Variants in PPP1R14C observed in about 807,000 individuals in gnomAD.
The protein encoded by PPP1R14C is protein phosphatase 1 regulatory subunit 14C.
Under a neutral mutation model 20.4 loss-of-function variants are expected in PPP1R14C, and 16 were observed. The ratio of observed to expected loss-of-function variants is 0.78; its 90% CI spans 0.53 to 1.19. The LOEUF is 1.19. PPP1R14C is among the 50% of genes most tolerant of loss of function. The pLI, the probability that PPP1R14C is intolerant of heterozygous loss-of-function variation, is 0.00. For synonymous variants in PPP1R14C, 91 were observed against 91.0 expected, an observed-to-expected ratio of 1.00 and a Z score of 0.00; for missense variants, 211 against 220.1, an observed-to-expected ratio of 0.96 and a Z score of 0.26.
intron 1 of PPP1R14C, among the ~76,000 whole-genome samples, chr6:150,154,990 G>C (rs958107897): frequency 6.6e-6 from 1 of 152,096 alleles, no homozygotes; most frequent in Non-Finnish European, 1.5e-5. Flanking sequence ...GCTTTGGGGG[G>C]TGCTTTTCTG....
chr6:150,180,139 T>C (rs1471898305), intron 1 of PPP1R14C, among the ~76,000 whole-genome samples: 1 of 152,132 alleles, frequency 6.6e-6, no homozygotes, highest in East Asian at 1.9e-4. Context: ...GATCTGAAGG[T>C]TGCAGTGAGC....
intron 1 of PPP1R14C, among the ~76,000 whole-genome samples, chr6:150,146,472 G>A (rs1052148729): frequency 3.9e-5 from 6 of 152,186 alleles, no homozygotes; most frequent in African/African-American, 1.4e-4. Flanking sequence ...TTGAAGTCTA[G>A]GTTTGCATTT....
intron 1 of PPP1R14C, among the ~76,000 whole-genome samples, chr6:150,166,150 G>A (rs534210534): frequency 4.6e-5 from 7 of 151,324 alleles, no homozygotes; most frequent in East Asian, 3.9e-4. Context: ...GCGCTATCTC[G>A]GCTCACTGCA....
intron 1 of PPP1R14C, among the ~76,000 whole-genome samples, chr6:150,177,516 G>A (rs1028752684): frequency 6.6e-5 from 10 of 152,196 alleles, no homozygotes; most frequent in African/African-American, 2.4e-4. Flanking sequence ...TGGGGCCTGT[G>A]GAGCTTCCAT....
intron 3 of PPP1R14C, among the ~76,000 whole-genome samples, chr6:150,226,601 G>C (rs1778233317): frequency 6.6e-6 from 1 of 152,044 alleles, no homozygotes. Context: ...GTCTGTTAGG[G>C]GAGTTGTCTA....
Position 150,227,698 on chromosome 6 carries a change from T to C in PPP1R14C, c.423+10842T>C, listed in dbSNP as rs190112247. On this transcript the variant is annotated intron_variant, in intron 3 of 3. Coordinates refer to ENST00000361131, the MANE Select transcript of PPP1R14C (RefSeq NM_030949.3). ...GATTGGTGAGTTGAAAAGACACCTT[T>C]AAAAAGTTGTCACGTTTAGAACAAT... Among the ~76,000 whole-genome samples the C allele has an allele frequency of 4.2e-4, 63 of 151,792 alleles. No individual in the cohort carries two copies. The East Asian group carries it at 0.011, about 26-fold the overall frequency.
chr6:150,145,268 T>A (rs781467770), intron 1 of PPP1R14C, among the ~76,000 whole-genome samples: 15 of 152,370 alleles, frequency 9.8e-5, no homozygotes, highest in East Asian at 7.7e-4. Context: ...TGAGCTTGAA[T>A]CTTTTCCTTG....
intron 1 of PPP1R14C, among the ~76,000 whole-genome samples, chr6:150,163,369 C>T (rs567574026): frequency 3.3e-5 from 5 of 152,148 alleles, no homozygotes; most frequent in East Asian, 1.9e-4. Context: ...CCAGCCTGGG[C>T]GACAGAGCAA....
At chr6:150,176,019 C>T (rs1176704605) in intron 1 of PPP1R14C, among the ~76,000 whole-genome samples, 1 of 152,194 alleles carries the variant, frequency 6.6e-6, no homozygotes, top group East Asian at 1.9e-4. Context: ...TTCAGAATTC[C>T]ACTGGGGATA....
chr6:150,246,741 C>T (rs1778497220), intron 3 of PPP1R14C, among the ~76,000 whole-genome samples: 1 of 152,122 alleles, frequency 6.6e-6, no homozygotes, highest in Admixed American at 6.5e-5. Context: ...TTTGAAAAGT[C>T]AGGAGCCATC....
In PPP1R14C at chr6:150,189,174, A is replaced by G. The variant is rs182213831; in HGVS notation, c.307-25570A>G. On this transcript the variant is annotated intron_variant, in intron 1 of 3. Transcript: ENST00000361131. ...GCACCTGGCCCTTACAGGATGTTGT[A>G]ATTAACCTTTGTTCACTCACTAAAT... 2.8e-3 allele frequency among the ~76,000 whole-genome samples: 424 copies of G among 152,096 alleles called. 3 individuals carry two copies. Among genetic ancestry groups the G allele is most frequent in the Non-Finnish European group, 4.0e-3 (271 of 68,012 alleles).
At chr6:150,237,810 C>T (rs1056691248) in intron 3 of PPP1R14C, among the ~76,000 whole-genome samples, 2 of 152,140 alleles carry the variant, frequency 1.3e-5, no homozygotes, top group African/African-American at 4.8e-5. Context: ...GAGTCCCTCT[C>T]GTAGGCATGT....
At chr6:150,206,544 G>A (rs950198994) in intron 1 of PPP1R14C, among the ~76,000 whole-genome samples, 4 of 152,150 alleles carry the variant, frequency 2.6e-5, no homozygotes, top group African/African-American at 4.8e-5. Flanking sequence ...GTTTTACAGT[G>A]TTGATTTGTG....
At chr6:150,167,964 C>CTT (rs376912026) in intron 1 of PPP1R14C, among the ~76,000 whole-genome samples, 41 of 4,398 alleles carry the variant, frequency 9.3e-3, no homozygotes, top group African/African-American at 0.012. Context: ...CTCTCCTCCC[C>CTT]TCTTTCTCTC....
At chr6:150,224,005 G>A (rs529329762) in intron 3 of PPP1R14C, among the ~76,000 whole-genome samples, 4 of 152,164 alleles carry the variant, frequency 2.6e-5, no homozygotes, top group Non-Finnish European at 4.4e-5. Context: ...GTCCATGTGC[G>A]ATCCATTTGA....
chr6:150,218,092 C>T (rs971390841), intron 3 of PPP1R14C, among the ~76,000 whole-genome samples: 3 of 151,988 alleles, frequency 2.0e-5, no homozygotes, highest in East Asian at 1.9e-4. Flanking sequence ...GTCAACATGG[C>T]GAGATCTCGT....
chr6:150,224,158 T>C (rs896922289), intron 3 of PPP1R14C, among the ~76,000 whole-genome samples: 3 of 152,226 alleles, frequency 2.0e-5, no homozygotes, highest in Non-Finnish European at 1.5e-5. Context: ...TCAGTTGATA[T>C]TTATGTCAGT....
chr6:150,216,851 A>T lies in PPP1R14C; in HGVS notation c.418A>T (p.Thr140Ser). 1 of 1,603,414 alleles carries T rather than the reference A, an allele frequency of 6.2e-7. No individual in the cohort carries two copies. The highest frequency in any genetic ancestry group is 8.5e-7 in the Non-Finnish European group (1 of 1,174,148). The part of the protein sequence containing the change: ...QEALVDCYKP[T>S]EEFIKELLSR... Reference sequence around the variant, plus strand: ...AGCTCTTGTAGACTGCTACAAACCAACAGAGGTAAGCAAATCACTTTTCCT... The same window carrying T: ...AGCTCTTGTAGACTGCTACAAACCATCAGAGGTAAGCAAATCACTTTTCCT... The change falls in exon 3 of 4, where the codon ACA becomes TCA. Residue 140 changes from threonine to serine, a missense_variant. Physicochemically the swap from Thr to Ser is moderately conservative, Grantham distance 58. Transcript: ENST00000361131.
chr6:150,163,859 G>C (rs1188571687), intron 1 of PPP1R14C, among the ~76,000 whole-genome samples: 2 of 152,124 alleles, frequency 1.3e-5, no homozygotes, highest in African/African-American at 4.8e-5. Context: ...GTCTTTTGGT[G>C]AACCTATGTC....
Sources: gnomAD v4.1 joint callset for allele counts (sites outside exome capture counted in the v4.1 genomes callset) on GRCh38, gnomAD v4.1.1 for gene constraint, MANE v1.5 for transcripts, NCBI Gene and HGNC (gene_info 2026-07-23, HGNC 2026-07-21) for gene names.